RORA: variants seen among roughly 807,000 people sequenced by gnomAD.
RORA encodes RAR related orphan receptor A, also known as nuclear receptor ROR-alpha.
In RORA, 7 loss-of-function variants were observed where a neutral mutation model predicts 69.5. The observed-to-expected ratio is 0.10, with a 90% CI of 0.06 to 0.19. RORA has a LOEUF of 0.19. RORA is among the 10% of genes least tolerant of loss of function. The pLI is 1.00. For missense variants in RORA, 457 were observed against 663.0 expected (o/e 0.69, Z 3.41); for synonymous variants, 261 against 240.8 (o/e 1.08, Z -0.78).
At chr15:60,916,603 G>T (rs970672852) in intron 1 of RORA, among the ~76,000 whole-genome samples, 1 of 121,442 alleles carries the variant, frequency 8.2e-6, no homozygotes, top group Non-Finnish European at 1.9e-5. Flanking sequence ...AATATCATTA[G>T]AATTGCCTGG....
chr15:61,014,259 G>A (rs1895201869), intron 1 of RORA, among the ~76,000 whole-genome samples: 1 of 152,180 alleles, frequency 6.6e-6, no homozygotes, highest in African/African-American at 2.4e-5. Context: ...AGCTTTGAGA[G>A]TTACTGTTGA....
rs541543648 is a variant in RORA at position 60,564,761 on chromosome 15, A to AT, written c.197-32911dup. Among the ~76,000 whole-genome samples, 226 of 152,300 alleles carry AT rather than the reference A, an allele frequency of 1.5e-3. 1 individual carries two copies. Among genetic ancestry groups the AT allele is most frequent in the African/African-American group, 5.2e-3 (218 of 41,572 alleles). ...TCTGAGAAAACCCTAGATTAAAAGT[A>AT]TTTTATCAGCGCAAAACAGTGATTA... On this transcript the variant is annotated intron_variant, in intron 2 of 10. Transcript: ENST00000335670.
chr15:60,727,454 C>T (rs533725178), intron 1 of RORA, among the ~76,000 whole-genome samples: 1 of 152,184 alleles, frequency 6.6e-6, no homozygotes, highest in African/African-American at 2.4e-5. Flanking sequence ...ATGGACTCTG[C>T]TCAAATCCCA....
rs193004973 is a variant in RORA at position 60,674,962 on chromosome 15, C to T, written c.196+3695G>A. 1.2e-4 allele frequency among the ~76,000 whole-genome samples: 19 copies of T among 152,206 alleles called. No homozygotes were observed. In the South Asian group the frequency reaches 1.7e-3, roughly 13 times the overall value. ...AGCAATGGTCTGATGCCTCTGGAAA[C>T]GGTTCAGGGGCCTACCAGATATCTT... On this transcript the variant is annotated intron_variant, in intron 2 of 10. Transcript: ENST00000335670.
intron 1 of RORA, among the ~76,000 whole-genome samples, chr15:60,723,666 A>G (rs2071321170): frequency 6.6e-6 from 1 of 152,188 alleles, no homozygotes; most frequent in South Asian, 2.1e-4. Context: ...TTAGGACTCT[A>G]GCCAGGAGTA....
intron 1 of RORA, among the ~76,000 whole-genome samples, chr15:61,067,672 G>C (rs1430206827): frequency 6.6e-6 from 1 of 152,138 alleles, no homozygotes; most frequent in Non-Finnish European, 1.5e-5. Flanking sequence ...GGTGGGACAA[G>C]GATTTAAACA....
intron 1 of RORA, among the ~76,000 whole-genome samples, chr15:60,780,695 C>A (rs924089049): frequency 2.6e-5 from 4 of 152,108 alleles, no homozygotes; most frequent in African/African-American, 9.7e-5. Context: ...AAAACAAAAA[C>A]CACACTTCTC....
At chr15:60,888,845 G>C (rs983934049) in intron 1 of RORA, among the ~76,000 whole-genome samples, 4 of 148,592 alleles carry the variant, frequency 2.7e-5, no homozygotes, top group African/African-American at 7.4e-5. Flanking sequence ...CTCCTGCCCA[G>C]AGAGGATGGG....
chr15:61,194,587 G>A (rs1567032535), intron 1 of RORA, among the ~76,000 whole-genome samples: 2 of 150,468 alleles, frequency 1.3e-5, no homozygotes, highest in Admixed American at 6.6e-5. Context: ...CGACCATATT[G>A]GTGGAGAAGG....
chr15:60,637,018 T>C (rs1198959839), intron 2 of RORA, among the ~76,000 whole-genome samples: 1 of 152,136 alleles, frequency 6.6e-6, no homozygotes, highest in Non-Finnish European at 1.5e-5. Context: ...TTAGCCATTA[T>C]AAATAGTATT....
At chr15:60,610,702 T>C (rs555741421) in intron 2 of RORA, among the ~76,000 whole-genome samples, 1 of 151,890 alleles carries the variant, frequency 6.6e-6, no homozygotes, top group East Asian at 1.9e-4. Flanking sequence ...AACAGCACAA[T>C]TGAGCAATAA....
At position 61,163,485 on chromosome 15, in the gene RORA, C is replaced by G. The variant is rs2079514423; in HGVS notation, c.166+65568G>C. On this transcript the variant is annotated intron_variant, in intron 1 of 10. Coordinates refer to ENST00000335670, the MANE Select transcript of RORA (RefSeq NM_134261.3). ...CTGGAATCTGACAAATTAGACAAAG[C>G]AAGAAAACACCACCAGCAGCCAACA... 3.3e-5 allele frequency among the ~76,000 whole-genome samples: 5 copies of G among 152,256 alleles called. No individual in the cohort carries two copies. The South Asian group carries it at 1.0e-3, about 32-fold the overall frequency.
intron 1 of RORA, among the ~76,000 whole-genome samples, chr15:60,961,700 T>C (rs944816810): frequency 3.3e-5 from 5 of 152,192 alleles, no homozygotes; most frequent in African/African-American, 4.8e-5. Context: ...AATCCACCGA[T>C]ATATGTTGTC....
intron 2 of RORA, chr15:60,627,148 T>C: frequency 8.7e-7 from 1 of 1,144,998 alleles, no homozygotes. Flanking sequence ...CTTGGAGAAC[T>C]GACTTTAAGC....
At chr15:61,029,530 CG>C (rs1595892177) in intron 1 of RORA, among the ~76,000 whole-genome samples, 1 of 151,946 alleles carries the variant, frequency 6.6e-6, no homozygotes, top group African/African-American at 2.4e-5. Context: ...GGAGTACAGA[CG>C]GGAGGGAGTT....
chr15:61,141,640 C>T (rs981341654), intron 1 of RORA, among the ~76,000 whole-genome samples: 7 of 152,158 alleles, frequency 4.6e-5, no homozygotes, highest in East Asian at 1.9e-4. Context: ...AACAGTACTA[C>T]GGCTTGATTT....
intron 1 of RORA, among the ~76,000 whole-genome samples, chr15:60,771,474 T>A (rs570417312): frequency 1.4e-4 from 22 of 152,314 alleles, no homozygotes; most frequent in Non-Finnish European, 2.9e-4. Context: ...GCCTTATGTT[T>A]CTTTGTGCAC....
At chr15:60,938,265 TA>T (rs1892585792) in intron 1 of RORA, among the ~76,000 whole-genome samples, 1 of 152,150 alleles carries the variant, frequency 6.6e-6, no homozygotes. Flanking sequence ...AAACAATGTC[TA>T]AAACAGGTCT....
In RORA at chr15:60,491,275, A is replaced by G. The variant is rs189408480; in HGVS notation, c.*6180T>C. On this transcript the variant is annotated 3_prime_UTR_variant, in exon 11 of 11. Transcript: ENST00000335670. ...AAAAGGAATCACACATGAACACTGG[A>G]GAGAATTTAGTTGTTCTTAGAGAAC... 6.6e-5 allele frequency: 10 copies of G among 152,300 alleles called. No homozygotes were observed. In the East Asian group the frequency reaches 7.7e-4, roughly 12 times the overall value. The allele number at this position is 152,300 out of a possible 1,614,324, so 9.4% of individuals were successfully genotyped here.
Sources: allele counts gnomAD v4.1 joint callset (sites outside exome capture counted in the v4.1 genomes callset), GRCh38; gene constraint gnomAD v4.1.1; transcripts MANE v1.5; gene names NCBI Gene and HGNC (gene_info 2026-07-23, HGNC 2026-07-21).